Variants in NBDY observed in about 807,000 individuals in gnomAD.
NBDY encodes the protein P-body dissociating protein.
chrX:56,803,684 G>A (rs1200742138), intron 2 of NBDY, among the ~76,000 whole-genome samples: 1 of 112,143 alleles, frequency 8.9e-6, no homozygotes, highest in Non-Finnish European at 1.9e-5. Flanking sequence ...GTGCCTGTCA[G>A]AAGGCAAGTA....
At chrX:56,752,635 A>G (rs2069591291) in intron 2 of NBDY, among the ~76,000 whole-genome samples, 2 of 110,746 alleles carry the variant, frequency 1.8e-5, no homozygotes, top group African/African-American at 6.6e-5. Flanking sequence ...TTTGAGATGG[A>G]GTCTCACTCT....
At chrX:56,747,145 A>G (rs1167804835) in intron 2 of NBDY, among the ~76,000 whole-genome samples, 1 of 111,988 alleles carries the variant, frequency 8.9e-6, no homozygotes, top group Non-Finnish European at 1.9e-5. Flanking sequence ...TATTCAACCA[A>G]CACAAATATT....
intron 2 of NBDY, among the ~76,000 whole-genome samples, chrX:56,799,437 C>T (rs1179622659): frequency 8.8e-6 from 1 of 113,358 alleles, no homozygotes; most frequent in East Asian, 2.8e-4. Flanking sequence ...ACTGGGCTGA[C>T]TGGTCTTGGG....
chrX:56,810,557 GTATGCT>G (rs2069880979), intron 2 of NBDY, among the ~76,000 whole-genome samples: 1 of 109,405 alleles, frequency 9.1e-6, no homozygotes, highest in Non-Finnish European at 1.9e-5. Flanking sequence ...TGATACCTGT[GTATGCT>G]TCACGAAGTT....
chrX:56,799,055 C>T (rs775138733), intron 2 of NBDY, among the ~76,000 whole-genome samples: 33 of 111,743 alleles, frequency 3.0e-4, no homozygotes, highest in Non-Finnish European at 5.8e-4. Context: ...CTCGGGAGTG[C>T]CAGACAGATG....
intron 2 of NBDY, among the ~76,000 whole-genome samples, chrX:56,786,730 T>TC (rs998534998): frequency 9.1e-6 from 1 of 110,258 alleles, no homozygotes; most frequent in South Asian, 4.0e-4. Flanking sequence ...CAGCTTTTTT[T>TC]CCCCCCTTCA....
intron 1 of NBDY, among the ~76,000 whole-genome samples, chrX:56,730,450 G>T (rs2069451527): frequency 1.0e-5 from 1 of 95,583 alleles, no homozygotes; most frequent in African/African-American, 3.8e-5. Flanking sequence ...GGCAGAGGTT[G>T]CAGTGAGCCG....
chrX:56,749,084 A>G (rs184620552), intron 2 of NBDY, among the ~76,000 whole-genome samples: 22 of 109,624 alleles, frequency 2.0e-4, no homozygotes, highest in Non-Finnish European at 3.4e-4. Flanking sequence ...TGCAGTGACA[A>G]GAGAAGGACT....
intron 2 of NBDY, among the ~76,000 whole-genome samples, chrX:56,735,513 G>C (rs772988294): frequency 4.5e-5 from 5 of 111,742 alleles, no homozygotes; most frequent in South Asian, 7.6e-4. Flanking sequence ...AGTGCCCTTA[G>C]GCTTGCTTTA....
chrX:56,759,812 C>T (rs1330714388), intron 2 of NBDY, among the ~76,000 whole-genome samples: 1 of 111,834 alleles, frequency 8.9e-6, no homozygotes, highest in African/African-American at 3.3e-5. Flanking sequence ...GGCAGGGGCA[C>T]CCCACCATGG....
At chrX:56,787,563 G>T (rs752100777) in intron 2 of NBDY, among the ~76,000 whole-genome samples, 2 of 112,143 alleles carry the variant, frequency 1.8e-5, no homozygotes, top group African/African-American at 6.5e-5. Context: ...TTATCAGATA[G>T]GCCCAAGCAG....
intron 2 of NBDY, among the ~76,000 whole-genome samples, chrX:56,796,247 A>G (rs970345445): frequency 9.1e-6 from 1 of 109,665 alleles, no homozygotes; most frequent in African/African-American, 3.3e-5. Flanking sequence ...TATGGGACTG[A>G]CTCTTTCTCC....
intron 2 of NBDY, among the ~76,000 whole-genome samples, chrX:56,741,176 C>G (rs1205605608): frequency 2.7e-5 from 3 of 111,633 alleles, no homozygotes; most frequent in African/African-American, 9.8e-5. Flanking sequence ...AGATCTCATT[C>G]TTTTTTATGA....
At chrX:56,764,109 A>T (rs1031561364) in intron 2 of NBDY, among the ~76,000 whole-genome samples, 2 of 111,789 alleles carry the variant, frequency 1.8e-5, no homozygotes, top group African/African-American at 3.3e-5. Flanking sequence ...CTGGTTCCAC[A>T]GCTCTCTCCG....
At chrX:56,737,806 A>G (rs923826535) in intron 2 of NBDY, among the ~76,000 whole-genome samples, 3 of 111,957 alleles carry the variant, frequency 2.7e-5, no homozygotes, top group Admixed American at 9.5e-5. Flanking sequence ...CAGGAATATT[A>G]CAAAGAACTC....
At chrX:56,739,238 G>GTATATATATATATA (rs1198957018) in intron 2 of NBDY, among the ~76,000 whole-genome samples, 19 of 59,585 alleles carry the variant, frequency 3.2e-4, no homozygotes, top group South Asian at 3.1e-3. Context: ...GTTTGTGTGT[G>GTATATATATATATA]TATATATATA....
intron 2 of NBDY, among the ~76,000 whole-genome samples, chrX:56,809,665 G>C (rs924834257): frequency 5.4e-5 from 6 of 111,840 alleles, no homozygotes; most frequent in African/African-American, 2.0e-4. Context: ...TGTGGGATGG[G>C]TCTCCTGAAT....
intron 2 of NBDY, among the ~76,000 whole-genome samples, chrX:56,788,726 T>C (rs1201951280): frequency 1.8e-5 from 2 of 112,673 alleles, no homozygotes; most frequent in African/African-American, 6.4e-5. Flanking sequence ...AACCACTTCA[T>C]TCTCTGGCTG....
chrX:56,755,649 T>C (rs2069606726), intron 2 of NBDY, among the ~76,000 whole-genome samples: 1 of 111,190 alleles, frequency 9.0e-6, no homozygotes, highest in African/African-American at 3.3e-5. Context: ...CAACAGGTGC[T>C]GGAGAGGATG....
Sources: gnomAD v4.1 joint callset for allele counts (sites outside exome capture counted in the v4.1 genomes callset) on GRCh38, gnomAD v4.1.1 for gene constraint, MANE v1.5 for transcripts, NCBI Gene and HGNC (gene_info 2026-07-23, HGNC 2026-07-21) for gene names.